RTN2: variants seen among roughly 807,000 people sequenced by gnomAD.
The protein encoded by RTN2 is reticulon 2, also known as reticulon-2.
In RTN2, 36 loss-of-function variants were observed where a neutral mutation model predicts 63.7. That is an observed-to-expected ratio of 0.56 (90% CI 0.43 to 0.75). The LOEUF (loss-of-function observed/expected upper bound fraction) is 0.75. Ranked by LOEUF, RTN2 falls within the 30% of genes least tolerant of loss-of-function variation. RTN2 has a pLI of 0.00. For missense variants in RTN2, 673 were observed against 705.1 expected (o/e 0.95, Z 0.52); for synonymous variants, 312 against 313.0 (o/e 1.00, Z 0.03).
chr19:45,493,730 G>A (rs1968210361), intron 4 of RTN2, among the ~76,000 whole-genome samples: 2 of 152,212 alleles, frequency 1.3e-5, no homozygotes, highest in East Asian at 1.9e-4. Flanking sequence ...CTCCAGAAGA[G>A]GGAGGATTAT....
Position 45,494,798 on chromosome 19 carries a change from G to A in RTN2, c.287C>T (p.Pro96Leu). 1 of 1,604,606 alleles carries A rather than the reference G, an allele frequency of 6.2e-7. No homozygotes were observed. The highest frequency in any genetic ancestry group is 8.5e-7 in the Non-Finnish European group (1 of 1,179,884). Reference protein sequence around the residue: ...PRPQGRSVSEPRDQHPQPSLG... With the variant: ...PRPQGRSVSELRDQHPQPSLG... ...GCTGGGCTGAGGGTGCTGGTCTCGT[G>A]GTTCCGAGACTGAGCGGCCCTGGGG... is the stretch of plus-strand genomic sequence containing the variant. The change falls in exon 3 of 11, where the codon CCA (proline) becomes CTA (leucine). Residue 96 changes from proline (P) to leucine (L), a missense_variant. Coordinates refer to ENST00000245923, the MANE Select transcript of RTN2 (RefSeq NM_005619.5). This position sits in a 1 kb window ranked among gnomAD's most constrained non-coding sequence, Gnocchi z 5.3.
rs761145953 is a variant in RTN2, at chr19:45,488,990, C to A, written c.1242-4G>T. The A allele has an allele frequency of 1.2e-6, 2 of 1,609,748 alleles. No individual in the cohort carries two copies. The highest frequency in any genetic ancestry group is 1.7e-5 in the Admixed American group (1 of 59,472). On this transcript the variant is annotated splice_region_variant and splice_polypyrimidine_tract_variant and intron_variant, in intron 6 of 10. Transcript: ENST00000245923. Reference sequence around the variant, plus strand: ...GAGGTCCACATCCAGGTAGGCCCTGCGGGGACAAAGGAGTGTGGGGCGACT... The same window carrying A: ...GAGGTCCACATCCAGGTAGGCCCTGAGGGGACAAAGGAGTGTGGGGCGACT...
At chr19:45,491,693 G>A (rs186971725) in intron 5 of RTN2, among the ~76,000 whole-genome samples, 24 of 151,868 alleles carry the variant, frequency 1.6e-4, no homozygotes, top group South Asian at 1.0e-3. Context: ...CACCATGCCC[G>A]GCTAATTTTT....
Position 45,494,218 on chromosome 19 carries a change from C to A in RTN2, c.762G>T (p.Gln254His). Reference sequence around the variant, plus strand: ...CTAATTGGTCCGTGCTATCGAGGCACTGTCCCCTTACTGGCTCTCGCTCCA... The same window carrying A: ...CTAATTGGTCCGTGCTATCGAGGCAATGTCCCCTTACTGGCTCTCGCTCCA... ...GPLEREPVRGQCLDSTDQLEF... is the reference protein window; with the variant it reads ...GPLEREPVRGHCLDSTDQLEF... The change falls in exon 4 of 11, where the codon CAG (glutamine) becomes CAT (histidine). Residue 254 changes from glutamine (Q) to histidine (H), a missense_variant. Physicochemically the swap from Gln to His is conservative, Grantham distance 24. Coordinates refer to ENST00000245923, the MANE Select transcript of RTN2 (RefSeq NM_005619.5). The surrounding 1 kb of genome is among the most constrained non-coding windows in gnomAD (Gnocchi z 5.3). 6.2e-7 allele frequency: 1 copy of A among 1,610,558 alleles called. No individual in the cohort carries two copies. The highest frequency in any genetic ancestry group is 8.5e-7 in the Non-Finnish European group (1 of 1,180,000).
At position 45,493,120 on chromosome 19, in the gene RTN2, GCCGACCTCAGCCC is replaced by G. The variant is rs559653203; in HGVS notation, c.1033+27_1033+39del. Reference sequence around the variant, plus strand: ...TAAGGGCGAGTTTGGACCCCGTTCCGCCGACCTCAGCCCCCGTCCAGCCCGTTCCGCAAGCCCA... The same window carrying G: ...TAAGGGCGAGTTTGGACCCCGTTCCGCCGTCCAGCCCGTTCCGCAAGCCCA... On this transcript the variant is annotated intron_variant, in intron 5 of 10. Coordinates refer to ENST00000245923, the MANE Select transcript of RTN2 (RefSeq NM_005619.5). 1,044 of 1,583,204 alleles carry G rather than the reference GCCGACCTCAGCCC, an allele frequency of 6.6e-4. 27 individuals are homozygous for G. In the East Asian group the frequency reaches 0.023, roughly 35 times the overall value.
At chr19:45,487,583 GTTTTTTTTTT>G (rs4031036) in intron 9 of RTN2, among the ~76,000 whole-genome samples, 1 of 105,752 alleles carries the variant, frequency 9.5e-6, no homozygotes, top group Non-Finnish European at 1.9e-5. Flanking sequence ...TTATTTTTTG[GTTTTTTTTTT>G]TTTTTTTTTT....
chr19:45,487,913 A>T (rs1170121526), intron 9 of RTN2, among the ~76,000 whole-genome samples: 1 of 145,874 alleles, frequency 6.9e-6, no homozygotes, highest in Non-Finnish European at 1.5e-5. Flanking sequence ...ACTGCACTCC[A>T]GTCTGGGCAA....
intron 5 of RTN2, among the ~76,000 whole-genome samples, chr19:45,490,379 A>G (rs144116650): frequency 2.1e-4 from 32 of 152,118 alleles, no homozygotes; most frequent in African/African-American, 7.5e-4. Context: ...TTATTTAACC[A>G]TGTACCTATT....
intron 9 of RTN2, among the ~76,000 whole-genome samples, chr19:45,488,194 A>G (rs979044281): frequency 2.0e-5 from 3 of 152,044 alleles, no homozygotes; most frequent in African/African-American, 7.2e-5. Context: ...CGGAGGTTGC[A>G]GTGAGCCGAG....
In RTN2 at chr19:45,496,812, A is replaced by C. The variant is rs1263600791; in HGVS notation, c.14T>G (p.Leu5Arg). ...CTCACTGCAGTGGGCGAAGACCGGC[A>C]GGACCTGCCCCATGGCCCCCCTCGG... MGQV[L>R]PVFAHCKEAP... The change falls in exon 1 of 11, where the codon CTG becomes CGG. Residue 5 changes from leucine (L) to arginine (R), a missense_variant. Physicochemically the swap from Leu to Arg is moderately radical, Grantham distance 102. Coordinates refer to ENST00000245923, the MANE Select transcript of RTN2 (RefSeq NM_005619.5). 1 of 1,523,422 alleles carries C rather than the reference A, an allele frequency of 6.6e-7. No individual in the cohort carries two copies. Among genetic ancestry groups the C allele is most frequent in the Non-Finnish European group, 8.8e-7 (1 of 1,132,044 alleles). The allele number at this position is 1,523,422 out of a possible 1,614,324, so 94.4% of individuals were successfully genotyped here.
chr19:45,493,294 C>A lies in RTN2; in HGVS notation c.899G>T (p.Trp300Leu). 1.2e-6 allele frequency: 2 copies of A among 1,612,690 alleles called. No homozygotes were observed. The highest frequency in any genetic ancestry group is 1.7e-6 in the Non-Finnish European group (2 of 1,179,582). ...CCTTTGGACCCAGCCAATGGCTGTC[C>A]ACAGAGGTGGGGACAATTCCAAAAT... is the stretch of plus-strand genomic sequence containing the variant. ...VPILELSPPL[W>L]TAIGWVQRGP... The change falls in exon 5 of 11, where the codon TGG becomes TTG. Residue 300 changes from tryptophan (W) to leucine (L), a missense_variant. Coordinates refer to ENST00000245923, the MANE Select transcript of RTN2 (RefSeq NM_005619.5).
At chr19:45,485,982 G>GC (rs1159513726) in intron 10 of RTN2, 73 bp downstream of exon 10, 2 of 1,460,732 alleles carry the variant, frequency 1.4e-6, no homozygotes, top group Non-Finnish European at 1.9e-6. Context: ...TTTGCGGACA[G>GC]CGAGAGTAGA....
rs1289911291 is a variant in RTN2, at chr19:45,485,857, G to A, written c.1557-68C>T. The stretch of plus-strand genomic sequence containing the variant: ...GCGGGGTGGGCATCTGGGGACAACG[G>A]GGAAAGCTGGGTGGGAAACTGACCA... On this transcript the variant is annotated intron_variant, in intron 10 of 10. Transcript: ENST00000245923. 3.7e-6 allele frequency: 5 copies of A among 1,359,796 alleles called. No individual in the cohort carries two copies. The African/African-American group carries it at 4.3e-5, about 12-fold the overall frequency. 84.2% of individuals were successfully genotyped at this position (1,359,796 alleles called of 1,614,324 possible).
At chr19:45,496,215 G>C (rs1257529319) in intron 1 of RTN2, among the ~76,000 whole-genome samples, 1 of 152,126 alleles carries the variant, frequency 6.6e-6, no homozygotes, top group Non-Finnish European at 1.5e-5. Context: ...CTCAGCTGGG[G>C]AATAGGAGGC....
Position 45,485,687 on chromosome 19 carries a change from C to A in RTN2, c.*21G>T. On this transcript the variant is annotated 3_prime_UTR_variant, in exon 11 of 11. Transcript: ENST00000245923. ...GCTGCGGGGGCTGGGGGCAGGCGTC[C>A]TGCGGGCAGAGACACCGTTCTCATT... 1 of 1,607,982 alleles carries A rather than the reference C, an allele frequency of 6.2e-7. No homozygotes were observed. The highest frequency in any genetic ancestry group is 8.5e-7 in the Non-Finnish European group (1 of 1,175,320).
chr19:45,494,273 A>T lies in RTN2; in HGVS notation c.707T>A (p.Leu236Gln). The change falls in exon 4 of 11, where the codon CTG becomes CAG. Residue 236 changes from leucine to glutamine, a missense_variant. Leu to Gln is a moderately radical substitution (Grantham distance 113). Transcript: ENST00000245923. The surrounding 1 kb of genome is among the most constrained non-coding windows in gnomAD (Gnocchi z 5.3). ...DSNSGPEEPLLEEEEKQWGPL... is the reference protein window; with the variant it reads ...DSNSGPEEPLQEEEEKQWGPL... Reference sequence around the variant, plus strand: ...CCCCCACTGCTTTTCTTCCTCTTCCAGCAATGGCTCTTCGGGCCCAGAGTT... The same window carrying T: ...CCCCCACTGCTTTTCTTCCTCTTCCTGCAATGGCTCTTCGGGCCCAGAGTT... 1 of 1,613,770 alleles carries T rather than the reference A, an allele frequency of 6.2e-7. No homozygotes were observed. Among genetic ancestry groups the T allele is most frequent in the Non-Finnish European group, 8.5e-7 (1 of 1,180,002 alleles).
intron 5 of RTN2, among the ~76,000 whole-genome samples, chr19:45,490,246 C>T (rs1032808621): frequency 1.3e-5 from 2 of 151,990 alleles, no homozygotes; most frequent in South Asian, 2.1e-4. Flanking sequence ...GTGGTCCACC[C>T]GCCTTGGCCT....
chr19:45,493,245 G>C lies in RTN2; in HGVS notation c.948C>G (p.Val316=), dbSNP rs1968199595. ...VQRGPTPPTP[V]LRVLLKWAKS... is the part of the protein sequence containing the mutation. ...TTGCCCACTTCAGTAGAACCCGGAG[G>C]ACAGGAGTAGGGGGGGTGGGGCCCC... is the stretch of plus-strand genomic sequence containing the variant. Residue 316 remains valine (V), a synonymous_variant, in exon 5 of 11, where the codon GTC becomes GTG. Coordinates refer to ENST00000245923, the MANE Select transcript of RTN2 (RefSeq NM_005619.5). 1 of 1,613,748 alleles carries C rather than the reference G, an allele frequency of 6.2e-7. No individual in the cohort carries two copies. Among genetic ancestry groups the C allele is most frequent in the Admixed American group, 1.7e-5 (1 of 59,916 alleles).
At chr19:45,493,500 C>A in intron 4 of RTN2, 122 bp from the exon 5 acceptor site, 1 of 753,252 alleles carries the variant, frequency 1.3e-6, no homozygotes, top group East Asian at 2.7e-5. Flanking sequence ...CCCTATGTTG[C>A]CCAGGCTGGT....
Sources: gnomAD v4.1 joint callset for allele counts (sites outside exome capture counted in the v4.1 genomes callset) on GRCh38, gnomAD v4.1.1 for gene constraint, Gnocchi (gnomAD v3.1) non-coding constraint, MANE v1.5 for transcripts, NCBI Gene and HGNC (gene_info 2026-07-23, HGNC 2026-07-21) for gene names.